Variants in SRBD1 observed in about 807,000 individuals in gnomAD.
SRBD1 encodes S1 RNA-binding domain-containing protein 1.
In SRBD1, 88 loss-of-function variants were observed where a neutral mutation model predicts 115.3. That is an observed-to-expected ratio of 0.76 (90% confidence interval 0.64 to 0.91). The LOEUF (loss-of-function observed/expected upper bound fraction) is 0.91, where lower values mean the gene tolerates loss of function less well. Among genes scored for constraint, SRBD1 ranks in the 40% least tolerant of loss-of-function variants. The probability of loss-of-function intolerance (pLI) is 0.00; values close to 1 mark genes in which losing one functional copy is unlikely to be tolerated. For synonymous variants in SRBD1, 509 were observed against 407.7 expected (o/e 1.25, Z -2.99); for missense variants, 1,385 against 1,177.4 (o/e 1.18, Z -2.58).
chr2:45,471,957 T>C (rs1198676525), intron 16 of SRBD1, among the ~76,000 whole-genome samples: 1 of 152,158 alleles, frequency 6.6e-6, no homozygotes, highest in Non-Finnish European at 1.5e-5. Context: ...TGTTAATAAA[T>C]GACCCAGCAA....
intron 12 of SRBD1, among the ~76,000 whole-genome samples, chr2:45,549,923 G>C (rs951797640): frequency 6.6e-6 from 1 of 151,848 alleles, no homozygotes; most frequent in Non-Finnish European, 1.5e-5. Flanking sequence ...TCAGAAATTA[G>C]ATGAGATAAA....
chr2:45,564,791 T>G lies in SRBD1; in HGVS notation c.1306-2035A>C, dbSNP rs78946242. ...AACCAAACAGGGATTGAAAATACAGTAATTGCAGGATCTGAAACCCACGCA... is the reference window on the plus strand; with the variant it reads ...AACCAAACAGGGATTGAAAATACAGGAATTGCAGGATCTGAAACCCACGCA... On this transcript the variant is annotated intron_variant, in intron 9 of 20. Transcript: ENST00000263736. Among the ~76,000 whole-genome samples the G allele has an allele frequency of 7.7e-3, 1,174 of 152,246 alleles. 15 individuals carry two copies. The highest frequency in any genetic ancestry group is 0.027 in the African/African-American group (1,104 of 41,528).
In SRBD1 at chr2:45,574,647, C is replaced by G. The variant is rs188414746; in HGVS notation, c.1149G>C (p.Thr383=). The G allele has an allele frequency of 4.3e-6, 7 of 1,613,302 alleles. No homozygotes were observed. Among genetic ancestry groups the G allele is most frequent in the Non-Finnish European group, 5.1e-6 (6 of 1,179,742 alleles). ...LADMIAKDKD[T]LDFIRNLCQK... ...CTCACAAGTTCCGAATGAAGTCAAG[C>G]GTGTCTTTGTCTTTAGCAATCATAT... The change falls in exon 8 of 21, where the codon ACG becomes ACC. Residue 383 remains threonine (T), a synonymous_variant. Coordinates refer to ENST00000263736, the MANE Select transcript of SRBD1 (RefSeq NM_018079.5).
rs568556627 is a variant in SRBD1 at position 45,563,125 on chromosome 2, A to T, written c.1306-369T>A. On this transcript the variant is annotated intron_variant, in intron 9 of 20. Transcript: ENST00000263736. ...TGCTAAGATAAATACAAACATGTAA[A>T]ATCCTAGGTGCAATATTTAGTAGCT... is the stretch of plus-strand genomic sequence containing the variant. 3.9e-5 allele frequency among the ~76,000 whole-genome samples: 6 copies of T among 152,294 alleles called. No individual in the cohort carries two copies. The South Asian group carries it at 1.2e-3, about 32-fold the overall frequency.
At chr2:45,574,270 A>C (rs1054021191) in intron 8 of SRBD1, among the ~76,000 whole-genome samples, 2 of 152,206 alleles carry the variant, frequency 1.3e-5, no homozygotes, top group African/African-American at 4.8e-5. Flanking sequence ...TAAAATAAGC[A>C]TACATCACAA....
At chr2:45,466,429 G>A (rs924797270) in intron 16 of SRBD1, among the ~76,000 whole-genome samples, 1 of 152,026 alleles carries the variant, frequency 6.6e-6, no homozygotes, top group Admixed American at 6.6e-5. Context: ...TCCTCCCAGT[G>A]ACATTCAACA....
intron 16 of SRBD1, among the ~76,000 whole-genome samples, chr2:45,448,406 GA>G (rs1252922731): frequency 6.6e-6 from 1 of 152,032 alleles, no homozygotes. Context: ...GCTGAGTAAG[GA>G]AAAAAACCCA....
intron 16 of SRBD1, among the ~76,000 whole-genome samples, chr2:45,474,375 G>A (rs1421320556): frequency 1.3e-5 from 2 of 152,182 alleles, no homozygotes; most frequent in Admixed American, 1.3e-4. Flanking sequence ...CCCACCTCCG[G>A]TGATAATGTG....
At chr2:45,469,504 T>G (rs1301765060) in intron 16 of SRBD1, among the ~76,000 whole-genome samples, 1 of 152,198 alleles carries the variant, frequency 6.6e-6, no homozygotes, top group Non-Finnish European at 1.5e-5. Flanking sequence ...CATGCTATCA[T>G]TTCACATTTC....
At chr2:45,433,769 C>T (rs955465515) in intron 16 of SRBD1, among the ~76,000 whole-genome samples, 1 of 152,180 alleles carries the variant, frequency 6.6e-6, no homozygotes, top group African/African-American at 2.4e-5. Flanking sequence ...CTCCTGATCA[C>T]AGACAAGTAC....
At chr2:45,400,631 C>T (rs1667267268) in intron 19 of SRBD1, among the ~76,000 whole-genome samples, 1 of 151,864 alleles carries the variant, frequency 6.6e-6, no homozygotes, top group South Asian at 2.1e-4. Flanking sequence ...CTCCAACTAC[C>T]CCCATTTCTT....
intron 7 of SRBD1, among the ~76,000 whole-genome samples, chr2:45,577,276 C>A (rs1047571392): frequency 6.6e-6 from 1 of 152,196 alleles, no homozygotes; most frequent in African/African-American, 2.4e-5. Flanking sequence ...AAGCTCCTTT[C>A]CCAATCAAAG....
At chr2:45,437,463 T>C (rs1468838300) in intron 16 of SRBD1, among the ~76,000 whole-genome samples, 1 of 150,998 alleles carries the variant, frequency 6.6e-6, no homozygotes, top group Non-Finnish European at 1.5e-5. Flanking sequence ...GGCAATACAA[T>C]GGAGAAAAGG....
At chr2:45,525,612 G>C (rs773914598) in intron 14 of SRBD1, among the ~76,000 whole-genome samples, 10 of 151,850 alleles carry the variant, frequency 6.6e-5, no homozygotes, top group Non-Finnish European at 1.2e-4. Context: ...AAATATGTGG[G>C]GTAATGCAGA....
chr2:45,515,294 T>C (rs1459924337), intron 14 of SRBD1, among the ~76,000 whole-genome samples: 1 of 152,172 alleles, frequency 6.6e-6, no homozygotes, highest in Admixed American at 6.6e-5. Flanking sequence ...TCCCATATAG[T>C]AGCTGAAGAA....
chr2:45,587,664 A>G (rs1673590076), intron 4 of SRBD1, among the ~76,000 whole-genome samples: 1 of 152,218 alleles, frequency 6.6e-6, no homozygotes, highest in Admixed American at 6.5e-5. Flanking sequence ...CAGAGACTAT[A>G]GAGGATATCT....
intron 16 of SRBD1, among the ~76,000 whole-genome samples, chr2:45,445,439 C>T (rs1418174187): frequency 6.8e-6 from 1 of 147,464 alleles, no homozygotes; most frequent in East Asian, 2.0e-4. Flanking sequence ...GGGCACAGAT[C>T]AGAAGGAACC....
chr2:45,493,865 C>G (rs932626640), intron 14 of SRBD1, among the ~76,000 whole-genome samples: 2 of 151,250 alleles, frequency 1.3e-5, no homozygotes, highest in South Asian at 2.1e-4. Context: ...AGAGGACATA[C>G]GGAAACAAGC....
At chr2:45,418,300 T>TAACAGTAACAAGAGGTAC in intron 18 of SRBD1, 65 bp downstream of exon 18, 1 of 1,561,516 alleles carries the variant, frequency 6.4e-7, no homozygotes, top group Non-Finnish European at 8.7e-7. Flanking sequence ...TAATCAGTGG[T>TAACAGTAACAAGAGGTAC]AGGATAGGTA....
Sources: allele counts gnomAD v4.1 joint callset (sites outside exome capture counted in the v4.1 genomes callset), GRCh38; gene constraint gnomAD v4.1.1; transcripts MANE v1.5; gene names NCBI Gene and HGNC (gene_info 2026-07-23, HGNC 2026-07-21).